Variants in KIF26B observed in about 807,000 individuals in gnomAD.
KIF26B encodes the protein kinesin-like protein KIF26B.
In KIF26B, 63 loss-of-function variants were observed where a neutral mutation model predicts 151.2. The ratio of observed to expected loss-of-function variants is 0.42; its 90% CI spans 0.34 to 0.51. The LOEUF (loss-of-function observed/expected upper bound fraction) is 0.51, where lower values mean the gene tolerates loss of function less well. Ranked by LOEUF, KIF26B falls within the 20% of genes least tolerant of loss-of-function variation. KIF26B has a pLI of 0.07. For synonymous variants in KIF26B, 1,357 were observed against 1,262.1 expected (o/e 1.08, Z -1.59); for missense variants, 2,813 against 2,913.6 (o/e 0.97, Z 0.79).
chr1:245,452,741 A>G (rs1461890018), intron 4 of KIF26B, among the ~76,000 whole-genome samples: 1 of 152,118 alleles, frequency 6.6e-6, no homozygotes. Context: ...TCATTTGAAT[A>G]TCTTCTTTGG....
chr1:245,323,870 C>T (rs377506205), intron 2 of KIF26B, among the ~76,000 whole-genome samples: 24 of 150,174 alleles, frequency 1.6e-4, no homozygotes, highest in African/African-American at 2.0e-4. Flanking sequence ...TGGACCCTGC[C>T]GTGGGTGGAT....
chr1:245,441,640 C>T (rs1659108321), intron 4 of KIF26B, among the ~76,000 whole-genome samples: 1 of 152,088 alleles, frequency 6.6e-6, no homozygotes, highest in Non-Finnish European at 1.5e-5. Context: ...ATAGGACATT[C>T]CTATATTTTT....
chr1:245,652,441 CTA>C (rs1449343554), intron 10 of KIF26B, among the ~76,000 whole-genome samples: 1 of 152,134 alleles, frequency 6.6e-6, no homozygotes, highest in Non-Finnish European at 1.5e-5. Context: ...AGTCCCTTTT[CTA>C]TGAGATTTTT....
chr1:245,428,702 G>A (rs11584307), intron 4 of KIF26B, among the ~76,000 whole-genome samples: 12,231 of 152,184 alleles, frequency 0.08, 538 homozygotes, highest in Admixed American at 0.12. Flanking sequence ...CTGCTGCAGG[G>A]AATGTGGTCA....
chr1:245,282,347 C>T (rs1230570059), intron 2 of KIF26B, among the ~76,000 whole-genome samples: 9 of 152,238 alleles, frequency 5.9e-5, no homozygotes, highest in South Asian at 2.1e-4. Flanking sequence ...TCAAAGTTTT[C>T]GTTTTTTAAA....
intron 3 of KIF26B, among the ~76,000 whole-genome samples, chr1:245,387,459 C>T (rs778430077): frequency 1.2e-4 from 18 of 152,150 alleles, no homozygotes; most frequent in Admixed American, 7.9e-4. Flanking sequence ...CCACTATGCC[C>T]GGCTCCAATC....
At chr1:245,324,649 T>G (rs1671950451) in intron 2 of KIF26B, among the ~76,000 whole-genome samples, 1 of 152,150 alleles carries the variant, frequency 6.6e-6, no homozygotes, top group African/African-American at 2.4e-5. Context: ...AAATCCCTCC[T>G]GCTTTGGGGC....
At chr1:245,330,639 T>TG (rs1672084726) in intron 2 of KIF26B, among the ~76,000 whole-genome samples, 2 of 1,604 alleles carry the variant, frequency 1.2e-3, no homozygotes, top group South Asian at 0.059. Flanking sequence ...GGAGGGAGAG[T>TG]GGGGGAGGGA....
At chr1:245,652,495 T>G (rs2044030526) in intron 10 of KIF26B, among the ~76,000 whole-genome samples, 1 of 152,218 alleles carries the variant, frequency 6.6e-6, no homozygotes, top group Admixed American at 6.5e-5. Context: ...TAGCTCTGTT[T>G]GCTTCCTTGG....
intron 2 of KIF26B, among the ~76,000 whole-genome samples, chr1:245,229,999 G>T (rs555910976): frequency 3.9e-5 from 6 of 152,080 alleles, no homozygotes; most frequent in Non-Finnish European, 5.9e-5. Context: ...TGGGCGTGGC[G>T]GCACATGCCT....
chr1:245,682,044 A>G (rs566783300), intron 10 of KIF26B, among the ~76,000 whole-genome samples: 1 of 152,296 alleles, frequency 6.6e-6, no homozygotes, highest in East Asian at 1.9e-4. Flanking sequence ...GGAGTTTGAG[A>G]CTAGACTGGC....
chr1:245,270,006 T>C (rs1415734878), intron 2 of KIF26B, among the ~76,000 whole-genome samples: 1 of 152,216 alleles, frequency 6.6e-6, no homozygotes, highest in Non-Finnish European at 1.5e-5. Flanking sequence ...TTTTTAATTT[T>C]CTGAGGAAAC....
chr1:245,668,193 G>A (rs936178029), intron 10 of KIF26B, among the ~76,000 whole-genome samples: 1 of 152,180 alleles, frequency 6.6e-6, no homozygotes, highest in Admixed American at 6.5e-5. Flanking sequence ...ACCAAGCCCG[G>A]CCCCCTATTT....
At chr1:245,264,907 A>G (rs1670714124) in intron 2 of KIF26B, among the ~76,000 whole-genome samples, 1 of 149,568 alleles carries the variant, frequency 6.7e-6, no homozygotes, top group South Asian at 2.1e-4. Flanking sequence ...AAAACAAAAA[A>G]AAAGAGCCCT....
chr1:245,441,619 G>C (rs74326354), intron 4 of KIF26B, among the ~76,000 whole-genome samples: 1,803 of 152,244 alleles, frequency 0.012, 39 homozygotes, highest in African/African-American at 0.041. Context: ...ACCCCGGGAA[G>C]AGGAACAAGA....
At chr1:245,631,312 A>G (rs1440154112) in intron 9 of KIF26B, among the ~76,000 whole-genome samples, 3 of 152,164 alleles carry the variant, frequency 2.0e-5, no homozygotes, top group Admixed American at 6.5e-5. Flanking sequence ...TCTATGCCTA[A>G]CTTATTGAGA....
At chr1:245,484,297 A>G (rs1392199389) in intron 4 of KIF26B, among the ~76,000 whole-genome samples, 6 of 151,884 alleles carry the variant, frequency 4.0e-5, no homozygotes, top group African/African-American at 1.4e-4. Flanking sequence ...ACCATTATGT[A>G]TCTGTGTTCT....
chr1:245,654,225 A>C (rs1285786117), intron 10 of KIF26B, among the ~76,000 whole-genome samples: 2 of 152,214 alleles, frequency 1.3e-5, no homozygotes, highest in African/African-American at 4.8e-5. Context: ...ACGAAAGGTA[A>C]AAAAGGGAAA....
chr1:245,202,023 T>C (rs1669308049), intron 2 of KIF26B, among the ~76,000 whole-genome samples: 3 of 152,316 alleles, frequency 2.0e-5, no homozygotes, highest in Admixed American at 6.5e-5. Context: ...ATGTTGGCCT[T>C]GGGGCATTAG....
Sources: allele counts gnomAD v4.1 joint callset (sites outside exome capture counted in the v4.1 genomes callset), GRCh38; gene constraint gnomAD v4.1.1; transcripts MANE v1.5; gene names NCBI Gene and HGNC (gene_info 2026-07-23, HGNC 2026-07-21).